The following MCM9 variants were observed in gnomAD, a reference collection of about 807,000 sequenced individuals.
MCM9 encodes minichromosome maintenance 9 homologous recombination repair factor.
In MCM9, 55 loss-of-function variants were observed where a neutral mutation model predicts 72.8. The ratio of observed to expected loss-of-function variants is 0.76; its 90% CI spans 0.61 to 0.95. The LOEUF is 0.95. MCM9 is among the 40% of genes least tolerant of loss of function. MCM9 has a pLI of 0.00. For missense variants in MCM9, 1,279 were observed against 1,377.0 expected, an observed-to-expected ratio of 0.93 and a Z score of 1.13; for synonymous variants, 480 against 503.4, an observed-to-expected ratio of 0.95 and a Z score of 0.62.
At chr6:118,836,373 G>A (rs1049846351) in intron 9 of MCM9, among the ~76,000 whole-genome samples, 2 of 152,200 alleles carry the variant, frequency 1.3e-5, no homozygotes, top group African/African-American at 4.8e-5. Context: ...AATGAGTTGG[G>A]GGGAGCCCCT....
intron 8 of MCM9, among the ~76,000 whole-genome samples, chr6:118,863,284 A>C (rs1451737317): frequency 6.6e-6 from 1 of 152,204 alleles, no homozygotes; most frequent in Non-Finnish European, 1.5e-5. Context: ...TACTTACACT[A>C]CCTGTGAACA....
intron 8 of MCM9, among the ~76,000 whole-genome samples, chr6:118,861,739 G>A (rs1776919354): frequency 6.6e-6 from 1 of 152,156 alleles, no homozygotes; most frequent in Admixed American, 6.5e-5. Flanking sequence ...TGGTCCACGG[G>A]TGGACCTGGA....
intron 13 of MCM9, among the ~76,000 whole-genome samples, chr6:118,817,252 C>A (rs1673555329): frequency 1.3e-5 from 2 of 150,776 alleles, no homozygotes; most frequent in Non-Finnish European, 3.0e-5. Context: ...AAGCCCCACA[C>A]GCATTAGGTA....
Position 118,829,107 on chromosome 6 carries a change from A to G in MCM9, c.1469T>C (p.Leu490Pro). The G allele has an allele frequency of 3.2e-6, 5 of 1,550,700 alleles. No individual in the cohort carries two copies. The highest frequency in any genetic ancestry group is 4.4e-6 in the Non-Finnish European group (5 of 1,147,014). Residue 490 changes from leucine to proline, a missense_variant, in exon 10 of 14, where the codon CTT becomes CCT. Transcript: ENST00000619706. ...ATCCCAGTCTTCATTCTTGGTATCA[A>G]GCAAAACCAGGATCAGGTCAAATCG... ...LSRFDLILVL[L>P]DTKNEDWDRI...
At chr6:118,870,966 T>C (rs141557391) in intron 8 of MCM9, among the ~76,000 whole-genome samples, 107,557 of 151,904 alleles carry the variant, frequency 0.71, 39,391 homozygotes, top group South Asian at 0.8. Context: ...ATTAAAAGTC[T>C]CTCATCAAAG....
intron 6 of MCM9, among the ~76,000 whole-genome samples, chr6:118,913,625 G>C (rs918505206): frequency 6.6e-6 from 1 of 151,996 alleles, no homozygotes; most frequent in Non-Finnish European, 1.5e-5. Context: ...TTTGAGACAG[G>C]GTCTCACTCT....
chr6:118,824,121 G>A (rs1043193556), intron 13 of MCM9, among the ~76,000 whole-genome samples: 2 of 126,794 alleles, frequency 1.6e-5, no homozygotes, highest in Admixed American at 1.0e-4. Flanking sequence ...GCACGATCAC[G>A]GCTCACTGAA....
intron 8 of MCM9, among the ~76,000 whole-genome samples, chr6:118,865,034 C>G (rs1204210559): frequency 6.6e-6 from 1 of 152,180 alleles, no homozygotes; most frequent in East Asian, 1.9e-4. Flanking sequence ...CTTCTTGAGT[C>G]TTCTCCCCTG....
chr6:118,920,293 C>T (rs977005395), intron 5 of MCM9: 2 of 152,190 alleles, frequency 1.3e-5, no homozygotes, highest in South Asian at 2.1e-4. Flanking sequence ...ATACTATTTA[C>T]ACAACTGTAC....
At chr6:118,893,283 T>A (rs1779067831) in intron 8 of MCM9, among the ~76,000 whole-genome samples, 1 of 152,212 alleles carries the variant, frequency 6.6e-6, no homozygotes, top group Non-Finnish European at 1.5e-5. Flanking sequence ...AGAAATTTTT[T>A]TGAAGATCAA....
chr6:118,824,532 C>T (rs1187150305), intron 13 of MCM9, among the ~76,000 whole-genome samples: 1 of 152,144 alleles, frequency 6.6e-6, no homozygotes, highest in Non-Finnish European at 1.5e-5. Context: ...TGGTCTTGAA[C>T]TCCTGACCTC....
At chr6:118,857,626 C>CAAAAAAAAAAAA (rs1203197065) in intron 8 of MCM9, among the ~76,000 whole-genome samples, 5 of 70,950 alleles carry the variant, frequency 7.0e-5, no homozygotes, top group Non-Finnish European at 1.1e-4. Context: ...CCAGACTGAC[C>CAAAAAAAAAAAA]AAAAAAAAAA....
intron 8 of MCM9, chr6:118,905,935 A>G: frequency 1.2e-6 from 1 of 819,552 alleles, no homozygotes; most frequent in Non-Finnish European, 1.8e-6. Context: ...AGATAAAATA[A>G]ATATGAGGTC....
chr6:118,880,194 G>T (rs1345931747), intron 8 of MCM9, among the ~76,000 whole-genome samples: 1 of 151,760 alleles, frequency 6.6e-6, no homozygotes, highest in Non-Finnish European at 1.5e-5. Flanking sequence ...ACAGGGAATC[G>T]AAATTTTTAT....
chr6:118,854,176 GTT>G (rs1184569292), intron 9 of MCM9, among the ~76,000 whole-genome samples: 3 of 152,094 alleles, frequency 2.0e-5, no homozygotes, highest in Admixed American at 1.3e-4. Flanking sequence ...AATACAAGCA[GTT>G]TTGACTTCTT....
chr6:118,896,615 A>G (rs1204753204), intron 8 of MCM9, among the ~76,000 whole-genome samples: 2 of 152,164 alleles, frequency 1.3e-5, no homozygotes, highest in Non-Finnish European at 2.9e-5. Context: ...TTCACTTCCT[A>G]GGCACCATTA....
chr6:118,922,160 G>C (rs1781485655), intron 4 of MCM9, 74 bp from the exon 5 acceptor site: 1 of 1,079,548 alleles, frequency 9.3e-7, no homozygotes, highest in Non-Finnish European at 1.3e-6. Context: ...AGCAGTACTT[G>C]AAATTACTAT....
intron 8 of MCM9, among the ~76,000 whole-genome samples, chr6:118,865,375 T>A (rs1383748399): frequency 6.6e-6 from 1 of 152,184 alleles, no homozygotes; most frequent in Non-Finnish European, 1.5e-5. Context: ...ATATTCCCTC[T>A]CTAAACTACT....
intron 9 of MCM9, among the ~76,000 whole-genome samples, chr6:118,853,754 G>A (rs918100577): frequency 3.3e-5 from 5 of 152,076 alleles, no homozygotes; most frequent in East Asian, 1.9e-4. Flanking sequence ...AGCTATGATC[G>A]GGCCTCTGTA....
Sources: gnomAD v4.1 joint callset for allele counts (sites outside exome capture counted in the v4.1 genomes callset) on GRCh38, gnomAD v4.1.1 for gene constraint, MANE v1.5 for transcripts, NCBI Gene and HGNC (gene_info 2026-07-23, HGNC 2026-07-21) for gene names.